Variants in MGST1 observed in about 807,000 individuals in gnomAD.
MGST1 encodes the protein glutathione S-transferase 12.
A neutral mutation model predicts 8.9 loss-of-function variants in MGST1; 5 were observed. The observed-to-expected ratio is 0.56, with a 90% CI of 0.29 to 1.19. MGST1 has a LOEUF of 1.19. Ranked by LOEUF, MGST1 falls within the 50% of genes most tolerant of loss-of-function variation. The pLI is 0.08. For synonymous variants in MGST1, 54 were observed against 67.8 expected (o/e 0.80, Z 1.00); for missense variants, 182 against 187.4 (o/e 0.97, Z 0.17).
chr12:16,403,261 CAT>C (rs1006431325), intron 1 of MGST1, among the ~76,000 whole-genome samples: 2 of 152,016 alleles, frequency 1.3e-5, no homozygotes, highest in African/African-American at 4.8e-5. Context: ...ATCATATAGA[CAT>C]GTGTTATTAA....
chr12:16,357,494 C>G, intron 2 of MGST1, 111 bp from the exon 3 acceptor site: 1 of 790,238 alleles, frequency 1.3e-6, no homozygotes, highest in South Asian at 2.0e-5. Flanking sequence ...ATCTTGAATT[C>G]TTGGGCTCAA....
intron 4 of MGST1, among the ~76,000 whole-genome samples, chr12:16,494,326 C>T (rs536340570): frequency 3.9e-5 from 6 of 152,190 alleles, no homozygotes; most frequent in Middle Eastern, 3.4e-3. Flanking sequence ...ATATTTAATT[C>T]TCATGATACC....
chr12:16,571,032 A>ATAAT, intron 4 of MGST1, among the ~76,000 whole-genome samples: 1 of 152,212 alleles, frequency 6.6e-6, no homozygotes, highest in East Asian at 1.9e-4. Context: ...TTAAAGTATA[A>ATAAT]TAATAATAAA....
At chr12:16,354,450 C>CT in intron 2 of MGST1, 72 bp downstream of exon 2, 9 of 1,509,326 alleles carry the variant, frequency 6.0e-6, no homozygotes, top group East Asian at 4.7e-5. Flanking sequence ...TCTTAATTTT[C>CT]TTTTTTTATT....
In MGST1 at chr12:16,413,405, C is replaced by G. The variant is rs368273288; in HGVS notation, n.779-23983C>G. 2.0e-5 allele frequency among the ~76,000 whole-genome samples: 3 copies of G among 152,180 alleles called. No individual in the cohort carries two copies. Among genetic ancestry groups the G allele is most frequent in the Non-Finnish European group, 4.4e-5 (3 of 68,036 alleles). ...CCCGCAAGATTTTGCTAACTCTCAT[C>G]CAAGCAGCCCCATTGTGAACAGAAC... On this transcript the variant is annotated intron_variant and non_coding_transcript_variant, in intron 1 of 1. Transcript: ENST00000359720. This position sits in a 1 kb window ranked among gnomAD's most constrained non-coding sequence, Gnocchi z 4.0.
At chr12:16,572,942 A>T (rs1942864865) in intron 4 of MGST1, among the ~76,000 whole-genome samples, 1 of 151,752 alleles carries the variant, frequency 6.6e-6, no homozygotes, top group African/African-American at 2.4e-5. Flanking sequence ...ATTGATCATC[A>T]AAATAGGAAA....
chr12:16,364,245 T>A lies in MGST1; in HGVS notation c.*204T>A. 8.0e-7 allele frequency: 1 copy of A among 1,257,246 alleles called. No homozygotes were observed. The highest frequency in any genetic ancestry group is 1.0e-6 in the Non-Finnish European group (1 of 999,178). The allele number at this position is 1,257,246 out of a possible 1,614,324, so 77.9% of individuals were successfully genotyped here. A position where few individuals can be genotyped will look rare whatever the true frequency, so the allele number is the denominator to read the frequency against. ...GAAATTTAACATAGTAATTCTTAAGTCTTTTGTCTGATTTTTAAAGTACTT... is the reference window on the plus strand; with the variant it reads ...GAAATTTAACATAGTAATTCTTAAGACTTTTGTCTGATTTTTAAAGTACTT... On this transcript the variant is annotated 3_prime_UTR_variant, in exon 4 of 4. Coordinates refer to ENST00000396210, the MANE Select transcript of MGST1 (RefSeq NM_020300.5). This position sits in a 1 kb window ranked among gnomAD's most constrained non-coding sequence, Gnocchi z 5.7.
chr12:16,538,292 A>G (rs1941769578), intron 4 of MGST1, among the ~76,000 whole-genome samples: 2 of 152,102 alleles, frequency 1.3e-5, no homozygotes, highest in South Asian at 4.2e-4. Context: ...TTATTGTTCA[A>G]ATCACTATCA....
At chr12:16,450,838 CCG>C in intron 4 of MGST1, among the ~76,000 whole-genome samples, 1 of 62,484 alleles carries the variant, frequency 1.6e-5, no homozygotes, top group South Asian at 7.8e-4. Context: ...TATATATATT[CCG>C]TGTGTGTGTG....
chr12:16,481,390 A>G (rs1056416959), intron 4 of MGST1, among the ~76,000 whole-genome samples: 3 of 152,236 alleles, frequency 2.0e-5, no homozygotes, highest in African/African-American at 7.2e-5. Context: ...AAAATGGAAA[A>G]GAAAAACCCC....
intron 4 of MGST1, among the ~76,000 whole-genome samples, chr12:16,551,965 T>G (rs902045135): frequency 1.3e-5 from 2 of 152,020 alleles, no homozygotes; most frequent in Non-Finnish European, 2.9e-5. Flanking sequence ...TAGATGTCAT[T>G]TCTTAGAGCA....
chr12:16,447,012 A>T (rs11056945), intron 4 of MGST1, among the ~76,000 whole-genome samples: 1 of 151,842 alleles, frequency 6.6e-6, no homozygotes, highest in Non-Finnish European at 1.5e-5. Flanking sequence ...TATTTCCCTA[A>T]GCCTCTCTAT....
At chr12:16,518,020 A>G (rs1007254313) in intron 4 of MGST1, among the ~76,000 whole-genome samples, 6 of 152,228 alleles carry the variant, frequency 3.9e-5, no homozygotes, top group African/African-American at 1.2e-4. Flanking sequence ...GGTCTTCAAC[A>G]TGGAAGAATG....
intron 3 of MGST1, among the ~76,000 whole-genome samples, chr12:16,372,473 A>G (rs1430792298): frequency 6.6e-6 from 1 of 151,994 alleles, no homozygotes; most frequent in Non-Finnish European, 1.5e-5. Context: ...CAAAACCACA[A>G]TGTGGTATCA....
At chr12:16,528,698 A>T (rs917604705) in intron 4 of MGST1, among the ~76,000 whole-genome samples, 2 of 152,026 alleles carry the variant, frequency 1.3e-5, no homozygotes, top group African/African-American at 4.8e-5. Context: ...ATTCTAGACG[A>T]CAATAATAGT....
chr12:16,430,859 C>T (rs1940932927), intron 1 of MGST1, among the ~76,000 whole-genome samples: 1 of 152,168 alleles, frequency 6.6e-6, no homozygotes, highest in Admixed American at 6.5e-5. Context: ...GCTTTCAAGC[C>T]AGGCATTGGC....
At chr12:16,525,532 C>A (rs1391441048) in intron 4 of MGST1, among the ~76,000 whole-genome samples, 2 of 146,558 alleles carry the variant, frequency 1.4e-5, no homozygotes, top group Non-Finnish European at 3.0e-5. Flanking sequence ...TTTTCTTAAT[C>A]CAGTCTATCA....
intron 4 of MGST1, among the ~76,000 whole-genome samples, chr12:16,507,683 A>T (rs1179341343): frequency 6.6e-6 from 1 of 152,164 alleles, no homozygotes; most frequent in African/African-American, 2.4e-5. Flanking sequence ...GGGCAAGCAC[A>T]TCTTTACATG....
intron 1 of MGST1, among the ~76,000 whole-genome samples, chr12:16,384,097 G>A (rs1483338724): frequency 1.3e-5 from 2 of 152,074 alleles, no homozygotes; most frequent in African/African-American, 4.8e-5. Context: ...AAAAAGAGGG[G>A]GTTCAGAGAG....
Sources: gnomAD v4.1 joint callset for allele counts (sites outside exome capture counted in the v4.1 genomes callset) on GRCh38, gnomAD v4.1.1 for gene constraint, Gnocchi (gnomAD v3.1) non-coding constraint, MANE v1.5 for transcripts, NCBI Gene and HGNC (gene_info 2026-07-23, HGNC 2026-07-21) for gene names.